Variants in LRMDA observed in about 807,000 individuals in gnomAD.
LRMDA encodes leucine rich melanocyte differentiation associated.
LRMDA carries 18 observed loss-of-function variants against 29.8 expected under a neutral mutation model. The observed-to-expected ratio is 0.60, with a 90% CI of 0.42 to 0.90. LRMDA has a LOEUF of 0.90. Ranked by LOEUF, LRMDA falls within the 40% of genes least tolerant of loss-of-function variation. The probability of loss-of-function intolerance (pLI) is 0.00; values close to 1 mark genes in which losing one functional copy is unlikely to be tolerated. For synonymous variants in LRMDA, 125 were observed against 109.4 expected (o/e 1.14, Z -0.89); for missense variants, 273 against 273.9 (o/e 1.00, Z 0.02).
At chr10:75,787,962 G>A (rs904547980) in intron 2 of LRMDA, among the ~76,000 whole-genome samples, 4 of 152,228 alleles carry the variant, frequency 2.6e-5, no homozygotes, top group Non-Finnish European at 5.9e-5. Flanking sequence ...CCAGGAGGAG[G>A]AGCTTGCAGT....
At chr10:76,412,520 C>T (rs1050453071) in intron 6 of LRMDA, among the ~76,000 whole-genome samples, 2 of 152,116 alleles carry the variant, frequency 1.3e-5, no homozygotes, top group Non-Finnish European at 2.9e-5. Flanking sequence ...AAAAAGAGTT[C>T]ATCTCCTTTC....
chr10:76,312,135 G>C (rs1400155761), intron 5 of LRMDA, among the ~76,000 whole-genome samples: 1 of 152,142 alleles, frequency 6.6e-6, no homozygotes, highest in African/African-American at 2.4e-5. Flanking sequence ...AGGGCAGTGC[G>C]AGTCCTTCCC....
intron 6 of LRMDA, among the ~76,000 whole-genome samples, chr10:76,510,042 A>G (rs1842994582): frequency 6.6e-6 from 1 of 151,816 alleles, no homozygotes. Context: ...GTTTTGTTTT[A>G]TTTTTTGTTT....
At chr10:75,983,283 A>G (rs531450052) in intron 2 of LRMDA, among the ~76,000 whole-genome samples, 2 of 152,362 alleles carry the variant, frequency 1.3e-5, no homozygotes, top group East Asian at 1.9e-4. Context: ...ACAGGAGCCA[A>G]ATAAAAATTT....
At chr10:75,514,463 G>A (rs186787431) in intron 2 of LRMDA, among the ~76,000 whole-genome samples, 119 of 152,078 alleles carry the variant, frequency 7.8e-4, no homozygotes, top group African/African-American at 2.5e-3. Context: ...GATGTGTAGG[G>A]GGTCTGATAT....
intron 5 of LRMDA, among the ~76,000 whole-genome samples, chr10:76,296,349 G>A (rs759627981): frequency 2.6e-5 from 4 of 152,192 alleles, no homozygotes; most frequent in Non-Finnish European, 5.9e-5. Flanking sequence ...AGGCAGATGT[G>A]CTGCCACTCC....
intron 2 of LRMDA, among the ~76,000 whole-genome samples, chr10:75,608,464 T>G (rs9416088): frequency 0.085 from 12,967 of 152,132 alleles, 842 homozygotes; most frequent in East Asian, 0.32. Context: ...AGGAATTTGC[T>G]AAGAGAGTAG....
intron 2 of LRMDA, among the ~76,000 whole-genome samples, chr10:75,904,779 T>C (rs1169273706): frequency 6.6e-6 from 1 of 152,186 alleles, no homozygotes; most frequent in Admixed American, 6.5e-5. Flanking sequence ...GAGAAAGCTA[T>C]AGATTGATGA....
intron 5 of LRMDA, among the ~76,000 whole-genome samples, chr10:76,192,345 T>G (rs1443565039): frequency 6.6e-6 from 1 of 152,228 alleles, no homozygotes; most frequent in South Asian, 2.1e-4. Flanking sequence ...TGTCCAGTTC[T>G]TTATTTAACA....
intron 2 of LRMDA, among the ~76,000 whole-genome samples, chr10:75,947,900 T>A (rs1846504251): frequency 6.6e-6 from 1 of 152,218 alleles, no homozygotes; most frequent in Admixed American, 6.5e-5. Context: ...CTTGCTCGAT[T>A]ATTGGATTCT....
At chr10:75,568,041 GGC>G (rs1226380107) in intron 2 of LRMDA, among the ~76,000 whole-genome samples, 2 of 152,070 alleles carry the variant, frequency 1.3e-5, no homozygotes, top group Admixed American at 6.5e-5. Context: ...TTCAATTCTG[GGC>G]CATACATTTT....
In LRMDA at chr10:75,537,230, G is replaced by A. The variant is rs115511605; in HGVS notation, c.131+98736G>A. ...CTTGTCATTGCCTCATTATTATAAC[G>A]TGCAACCGCTGATGGAAGCATCTTT... On this transcript the variant is annotated intron_variant, in intron 2 of 6. Coordinates refer to ENST00000611255, the MANE Select transcript of LRMDA (RefSeq NM_001305581.2). Among the ~76,000 whole-genome samples, 1,343 of 152,082 alleles carry A rather than the reference G, an allele frequency of 8.8e-3. 22 individuals carry two copies. Among genetic ancestry groups the A allele is most frequent in the African/African-American group, 0.03 (1,258 of 41,464 alleles).
At chr10:75,874,684 C>A (rs1427391698) in intron 2 of LRMDA, among the ~76,000 whole-genome samples, 1 of 152,162 alleles carries the variant, frequency 6.6e-6, no homozygotes, top group East Asian at 1.9e-4. Flanking sequence ...TTCTACAATA[C>A]TATGCTGTAA....
At chr10:75,819,418 A>T (rs1844118749) in intron 2 of LRMDA, among the ~76,000 whole-genome samples, 1 of 152,132 alleles carries the variant, frequency 6.6e-6, no homozygotes, top group African/African-American at 2.4e-5. Context: ...TGGGGAGTAG[A>T]GGAGGGTAAA....
chr10:75,583,772 A>G (rs1840623444), intron 2 of LRMDA, among the ~76,000 whole-genome samples: 1 of 152,012 alleles, frequency 6.6e-6, no homozygotes, highest in South Asian at 2.1e-4. Flanking sequence ...CCAGTCTCAC[A>G]TTGCACCAAA....
In LRMDA at chr10:75,978,193, G is replaced by A. The variant is rs185963462; in HGVS notation, c.132-57815G>A. On this transcript the variant is annotated intron_variant, in intron 2 of 6. Coordinates refer to ENST00000611255, the MANE Select transcript of LRMDA (RefSeq NM_001305581.2). ...TGTAGCAGAAGAGCTCAAGTTAACA[G>A]TGACTTAGCATTGTAGAGATTTATT... 2.0e-5 allele frequency among the ~76,000 whole-genome samples: 3 copies of A among 152,354 alleles called. No individual in the cohort carries two copies. In the East Asian group the frequency reaches 5.8e-4, roughly 29 times the overall value.
chr10:75,436,572 A>G (rs758693872), intron 1 of LRMDA, among the ~76,000 whole-genome samples: 3 of 151,504 alleles, frequency 2.0e-5, no homozygotes, highest in Non-Finnish European at 4.4e-5. Context: ...GGTTCACACC[A>G]TTCTCCTACC....
chr10:75,525,428 T>G (rs1845402375), intron 2 of LRMDA, among the ~76,000 whole-genome samples: 1 of 152,124 alleles, frequency 6.6e-6, no homozygotes, highest in East Asian at 1.9e-4. Context: ...CTGGGCTATT[T>G]CTCTTTTTCT....
At chr10:76,012,130 G>A (rs1395617608) in intron 2 of LRMDA, among the ~76,000 whole-genome samples, 1 of 152,210 alleles carries the variant, frequency 6.6e-6, no homozygotes, top group Non-Finnish European at 1.5e-5. Context: ...GCTGGTTCCT[G>A]GAGCGCAGTT....
Sources: allele counts gnomAD v4.1 joint callset (sites outside exome capture counted in the v4.1 genomes callset), GRCh38; gene constraint gnomAD v4.1.1; transcripts MANE v1.5; gene names NCBI Gene and HGNC (gene_info 2026-07-23, HGNC 2026-07-21).